Variants in PCDHA2 observed in about 807,000 individuals in gnomAD.
PCDHA2 encodes the protein protocadherin alpha-2.
Under a neutral mutation model 66.0 loss-of-function variants are expected in PCDHA2, and 58 were observed. The ratio of observed to expected loss-of-function variants is 0.88; its 90% confidence interval spans 0.71 to 1.09. PCDHA2 has a LOEUF of 1.09. PCDHA2 is among the 50% of genes least tolerant of loss of function. The pLI is 0.00. For synonymous variants in PCDHA2, 634 were observed against 554.0 expected (o/e 1.14, Z -2.03); for missense variants, 1,267 against 1,242.3 (o/e 1.02, Z -0.30).
chr5:140,917,231 A>G (rs2077963769), intron 1 of PCDHA2, among the ~76,000 whole-genome samples: 1 of 151,360 alleles, frequency 6.6e-6, no homozygotes, highest in Admixed American at 6.6e-5. Context: ...TACGTTGTTA[A>G]ATCTAGGTAC....
chr5:140,980,091 T>A (rs2096876102), intron 2 of PCDHA2, among the ~76,000 whole-genome samples: 1 of 152,218 alleles, frequency 6.6e-6, no homozygotes, highest in Non-Finnish European at 1.5e-5. Flanking sequence ...GTAGTTGGCT[T>A]GGTAAGATGT....
chr5:140,835,805 C>T (rs2150245230), intron 1 of PCDHA2: 3 of 1,613,062 alleles, frequency 1.9e-6, no homozygotes, highest in Non-Finnish European at 2.5e-6. Context: ...GCTGCCACAT[C>T]TTCACTGTGT....
intron 1 of PCDHA2, among the ~76,000 whole-genome samples, chr5:140,965,464 C>T (rs987279720): frequency 1.3e-5 from 2 of 151,782 alleles, no homozygotes; most frequent in Admixed American, 1.3e-4. Context: ...AAGATAAATC[C>T]CAGACTCCCA....
At chr5:140,823,740 GC>G in intron 1 of PCDHA2, 1 of 1,613,846 alleles carries the variant, frequency 6.2e-7, no homozygotes, top group Non-Finnish European at 8.5e-7. Flanking sequence ...ACCATGGAGA[GC>G]CCCCGCTGAC....
chr5:140,850,166 C>G (rs1248475012), intron 1 of PCDHA2: 1 of 1,594,750 alleles, frequency 6.3e-7, no homozygotes, highest in Non-Finnish European at 8.6e-7. Context: ...TCGTGCTGGA[C>G]GAGAACGACA....
At chr5:140,855,049 C>A (rs188702829) in intron 1 of PCDHA2, among the ~76,000 whole-genome samples, 1 of 149,704 alleles carries the variant, frequency 6.7e-6, no homozygotes, top group Admixed American at 6.7e-5. Flanking sequence ...TGTAATAGTA[C>A]TTTTCTGTTT....
Position 140,802,368 on chromosome 5 carries a change from C to T in PCDHA2, c.2388+5016C>T, listed in dbSNP as rs781811725. 3 of 1,614,230 alleles carry T rather than the reference C, an allele frequency of 1.9e-6. No individual in the cohort carries two copies. The South Asian group carries it at 3.3e-5, about 18-fold the overall frequency. The stretch of plus-strand genomic sequence containing the variant: ...TGGACAGGTCACCTGCTCGCTGACG[C>T]CCCACGTCCCCTTCAAGCTGGTGTC... On this transcript the variant is annotated intron_variant, in intron 1 of 3. Transcript: ENST00000526136.
In PCDHA2 at chr5:140,829,505, T is replaced by C. The variant is rs1470600823; in HGVS notation, c.2388+32153T>C. 1.4e-5 allele frequency: 22 copies of C among 1,613,588 alleles called. No homozygotes were observed. The highest frequency in any genetic ancestry group is 1.9e-5 in the Non-Finnish European group (22 of 1,179,954). ...CGTGAAGGAGAACAACCCGCCGGGC[T>C]GCCACATCTTCACGGTGTCTGCGCG... On this transcript the variant is annotated intron_variant, in intron 1 of 3. Transcript: ENST00000526136.
chr5:140,960,886 A>G (rs1161636963), intron 1 of PCDHA2, among the ~76,000 whole-genome samples: 1 of 152,198 alleles, frequency 6.6e-6, no homozygotes, highest in African/African-American at 2.4e-5. Context: ...CACACTAATG[A>G]ATTTGGGGCA....
chr5:140,939,562 G>C (rs1584985766), intron 1 of PCDHA2, among the ~76,000 whole-genome samples: 1 of 152,158 alleles, frequency 6.6e-6, no homozygotes, highest in Middle Eastern at 3.4e-3. Flanking sequence ...TATTAGTTTG[G>C]TTAATCAAAA....
rs782329809 is a variant in PCDHA2 at position 140,857,982 on chromosome 5, G to A, written c.2388+60630G>A. 7 of 1,596,582 alleles carry A rather than the reference G, an allele frequency of 4.4e-6. 1 individual carries two copies. In the Admixed American group the frequency reaches 5.1e-5, roughly 12 times the overall value. ...GATGAGACTGACTCGCCACGCCAGC[G>A]CCTACTGGTGCTGGTGAAGGACCAT... On this transcript the variant is annotated intron_variant, in intron 1 of 3. Coordinates refer to ENST00000526136, the MANE Select transcript of PCDHA2 (RefSeq NM_018905.3).
At chr5:140,805,534 A>T in intron 1 of PCDHA2, 1 of 986,250 alleles carries the variant, frequency 1.0e-6, no homozygotes, top group Non-Finnish European at 1.2e-6. Context: ...AACAGGATGA[A>T]AATAACTTTA....
At chr5:140,877,663 C>G in intron 1 of PCDHA2, 4 of 1,613,552 alleles carry the variant, frequency 2.5e-6, no homozygotes, top group Non-Finnish European at 3.4e-6. Context: ...CACCGTGAGC[C>G]GGTGCGCGCC....
At chr5:140,966,185 GA>G (rs1378285647) in intron 1 of PCDHA2, 4 of 197,798 alleles carry the variant, frequency 2.0e-5, no homozygotes, top group Non-Finnish European at 4.0e-5. Context: ...CTGATAGCCA[GA>G]CTTCTAGGGG....
chr5:140,834,777 G>A (rs2150226372), intron 1 of PCDHA2: 1 of 1,613,920 alleles, frequency 6.2e-7, no homozygotes, highest in Admixed American at 1.7e-5. Flanking sequence ...CAACCCTCCG[G>A]TGTTCCCAGC....
Position 140,796,023 on chromosome 5 carries a change from GTC to G in PCDHA2, c.1066_1067del (p.Ser356ThrfsTer66). ...ATAACACACCAGAAGTCTCAATAACGTCTCTCTCACTTCCCATCTCAGAGAAC... is the reference window on the plus strand; with the variant it reads ...ATAACACACCAGAAGTCTCAATAACGTCTCTCACTTCCCATCTCAGAGAAC... ...NDNTPEVSIT[S>X]LSLPISENAS... On this transcript the variant is annotated frameshift_variant, in exon 1 of 4. Coordinates refer to ENST00000526136, the MANE Select transcript of PCDHA2 (RefSeq NM_018905.3). LOFTEE classifies it high-confidence loss of function. 1 of 1,614,070 alleles carries G rather than the reference GTC, an allele frequency of 6.2e-7. No individual in the cohort carries two copies. Among genetic ancestry groups the G allele is most frequent in the Non-Finnish European group, 8.5e-7 (1 of 1,179,982 alleles).
At chr5:140,971,209 C>T (rs147218200) in intron 1 of PCDHA2, among the ~76,000 whole-genome samples, 3 of 152,118 alleles carry the variant, frequency 2.0e-5, no homozygotes, top group African/African-American at 7.2e-5. Context: ...ACACTGTTAC[C>T]CTCCCTCTCC....
At position 140,822,973 on chromosome 5, in the gene PCDHA2, T is replaced by C. The variant is rs2150120901; in HGVS notation, c.2388+25621T>C. 64 of 1,614,248 alleles carry C rather than the reference T, an allele frequency of 4.0e-5. 1 individual carries two copies. The South Asian group carries it at 6.6e-4, about 17-fold the overall frequency. On this transcript the variant is annotated intron_variant, in intron 1 of 3. Coordinates refer to ENST00000526136, the MANE Select transcript of PCDHA2 (RefSeq NM_018905.3). ...CGTTCCCTTCAAGCTGGTGTCCACC[T>C]TCAAGAATTACTACTCGTTGGTGCT...
chr5:140,928,458 T>C lies in PCDHA2; in HGVS notation c.2389-50491T>C, dbSNP rs1030560254. On this transcript the variant is annotated intron_variant, in intron 1 of 3. Coordinates refer to ENST00000526136, the MANE Select transcript of PCDHA2 (RefSeq NM_018905.3). Reference sequence around the variant, plus strand: ...ACTTTGAGCAGCTCAGGGGGTTTCATTTCCAAGTAGAAGGCCGGGATGGTG... The same window carrying C: ...ACTTTGAGCAGCTCAGGGGGTTTCACTTCCAAGTAGAAGGCCGGGATGGTG... 3.1e-6 allele frequency: 5 copies of C among 1,614,048 alleles called. No homozygotes were observed. In the African/African-American group the frequency reaches 5.3e-5, roughly 17 times the overall value.
Sources: allele counts gnomAD v4.1 joint callset (sites outside exome capture counted in the v4.1 genomes callset), GRCh38; gene constraint gnomAD v4.1.1; transcripts MANE v1.5; gene names NCBI Gene and HGNC (gene_info 2026-07-23, HGNC 2026-07-21).